Variants in CCDC15 observed in about 807,000 individuals in gnomAD.
CCDC15 encodes coiled-coil domain-containing protein 15.
CCDC15 carries 105 observed loss-of-function variants against 114.5 expected under a neutral mutation model. The observed-to-expected ratio is 0.92, with a 90% CI of 0.78 to 1.08. The LOEUF (loss-of-function observed/expected upper bound fraction) is 1.08. CCDC15 is among the 50% of genes least tolerant of loss of function. The probability of loss-of-function intolerance (pLI) is 0.00; values close to 1 mark genes in which losing one functional copy is unlikely to be tolerated. For missense variants in CCDC15, 1,105 were observed against 1,093.6 expected (o/e 1.01, Z -0.15); for synonymous variants, 334 against 377.8 (o/e 0.88, Z 1.34).
At chr11:124,964,471 T>G (rs138315560) in intron 4 of CCDC15, among the ~76,000 whole-genome samples, 8,073 of 152,274 alleles carry the variant, frequency 0.053, 243 homozygotes, top group Middle Eastern at 0.082. Flanking sequence ...GGAATACTTG[T>G]GATTTTTGCA....
intron 5 of CCDC15, 26 bp downstream of exon 5, chr11:124,975,235 T>A: frequency 7.4e-7 from 1 of 1,356,962 alleles, no homozygotes; most frequent in Non-Finnish European, 1.0e-6. Flanking sequence ...ATACATGATT[T>A]AAAAAAATAC....
intron 4 of CCDC15, among the ~76,000 whole-genome samples, chr11:124,963,474 CT>C (rs1947711102): frequency 6.6e-6 from 1 of 152,186 alleles, no homozygotes; most frequent in African/African-American, 2.4e-5. Context: ...CCTTTGCCCA[CT>C]TTTTGATGGG....
chr11:125,031,190 T>C (rs1948736143), intron 13 of CCDC15, among the ~76,000 whole-genome samples: 1 of 152,238 alleles, frequency 6.6e-6, no homozygotes. Context: ...ATCAGGGATG[T>C]CCTGGAAAGG....
chr11:124,965,427 G>T (rs1169256745), intron 4 of CCDC15, among the ~76,000 whole-genome samples: 1 of 152,134 alleles, frequency 6.6e-6, no homozygotes, highest in Non-Finnish European at 1.5e-5. Context: ...GTTTATTTAC[G>T]TAGAGGTGTT....
intron 13 of CCDC15, among the ~76,000 whole-genome samples, chr11:125,036,503 A>G (rs549959231): frequency 2.6e-5 from 4 of 151,696 alleles, no homozygotes; most frequent in African/African-American, 7.3e-5. Flanking sequence ...GAATATTGAT[A>G]TCTTTCTCTA....
intron 13 of CCDC15, among the ~76,000 whole-genome samples, chr11:125,022,299 T>TC (rs1479415114): frequency 6.6e-6 from 1 of 151,898 alleles, no homozygotes; most frequent in Non-Finnish European, 1.5e-5. Context: ...TAAAAGCATC[T>TC]CCCTCTGCCC....
At chr11:125,034,463 C>G (rs1400293296) in intron 13 of CCDC15, among the ~76,000 whole-genome samples, 1 of 152,218 alleles carries the variant, frequency 6.6e-6, no homozygotes, top group Non-Finnish European at 1.5e-5. Flanking sequence ...AGATAAGACT[C>G]TTACTCAGGG....
chr11:125,021,104 T>C (rs999972215), intron 13 of CCDC15, among the ~76,000 whole-genome samples: 6 of 151,772 alleles, frequency 4.0e-5, no homozygotes, highest in African/African-American at 1.2e-4. Context: ...GGGAAGGTAT[T>C]GAGTAAGAAA....
At chr11:124,981,259 G>A (rs1289368878) in intron 6 of CCDC15, among the ~76,000 whole-genome samples, 1 of 152,168 alleles carries the variant, frequency 6.6e-6, no homozygotes, top group Non-Finnish European at 1.5e-5. Context: ...TAACTTTGGG[G>A]TGGAGAGTTT....
intron 13 of CCDC15, among the ~76,000 whole-genome samples, chr11:125,022,141 A>G (rs1257041569): frequency 1.3e-5 from 2 of 151,866 alleles, no homozygotes; most frequent in African/African-American, 4.8e-5. Context: ...CTTATTTCAC[A>G]CATGATCTTT....
chr11:124,961,937 T>C (rs1323373131), intron 4 of CCDC15, among the ~76,000 whole-genome samples: 1 of 152,102 alleles, frequency 6.6e-6, no homozygotes, highest in Non-Finnish European at 1.5e-5. Flanking sequence ...TAGTTTATAA[T>C]GGAGAATAAC....
At position 124,986,956 on chromosome 11, in the gene CCDC15, T is replaced by C. The variant is rs529056684; in HGVS notation, c.900+68T>C. The C allele has an allele frequency of 1.5e-5, 21 of 1,435,220 alleles. No homozygotes were observed. In the East Asian group the frequency reaches 2.8e-4, roughly 19 times the overall value. The allele number at this position is 1,435,220 out of a possible 1,614,324, so 88.9% of individuals were successfully genotyped here. ...GGTATTGCCAGTAATGTTGTACTGA[T>C]TTAGGATTGTAGATTTAGCTTTTGT... On this transcript the variant is annotated intron_variant, in intron 7 of 15. Transcript: ENST00000344762.
chr11:125,029,817 C>T (rs1405918182), intron 13 of CCDC15, among the ~76,000 whole-genome samples: 2 of 152,160 alleles, frequency 1.3e-5, no homozygotes, highest in Admixed American at 6.5e-5. Context: ...TTCCCATTGA[C>T]CTTAATCACA....
chr11:125,033,146 A>G (rs1407986156), intron 13 of CCDC15, among the ~76,000 whole-genome samples: 1 of 152,210 alleles, frequency 6.6e-6, no homozygotes, highest in Non-Finnish European at 1.5e-5. Flanking sequence ...TTGAGGGGCC[A>G]TGATTCTCTG....
At chr11:125,007,450 A>G (rs192593113) in intron 13 of CCDC15, among the ~76,000 whole-genome samples, 1 of 152,308 alleles carries the variant, frequency 6.6e-6, no homozygotes, top group Admixed American at 6.5e-5. Context: ...CACTGTGTGT[A>G]TATACCACAT....
chr11:124,972,148 A>G (rs994458959), intron 4 of CCDC15, among the ~76,000 whole-genome samples: 5 of 152,094 alleles, frequency 3.3e-5, no homozygotes, highest in Admixed American at 3.3e-4. Flanking sequence ...TATTTATCTA[A>G]TTATTTATCT....
chr11:124,977,952 C>T (rs1455734194), intron 6 of CCDC15, among the ~76,000 whole-genome samples: 2 of 152,040 alleles, frequency 1.3e-5, no homozygotes, highest in East Asian at 3.9e-4. Context: ...GTACAGATTA[C>T]TTCGTCACGT....
intron 11 of CCDC15, among the ~76,000 whole-genome samples, chr11:124,997,068 C>T (rs962974073): frequency 3.3e-5 from 5 of 152,276 alleles, no homozygotes; most frequent in East Asian, 3.9e-4. Context: ...GTATTCTTTG[C>T]GTTGCTGTAT....
In CCDC15 at chr11:124,988,006, C is replaced by T. The variant is rs750453198; in HGVS notation, c.1780C>T (p.Pro594Ser). Reference protein sequence around the residue: ...DFLPRDQGYLPKDQNILPICQ... With the variant: ...DFLPRDQGYLSKDQNILPICQ... ...TCTACCCAGAGACCAAGGTTATCTT[C>T]CTAAAGACCAAAATATTCTACCCAT... Residue 594 changes from proline (P) to serine (S), a missense_variant, in exon 8 of 16, where the codon CCT (proline) becomes TCT (serine). By Grantham distance (74) the Pro-to-Ser change is moderately conservative. Transcript: ENST00000344762. The T allele has an allele frequency of 2.5e-6, 4 of 1,613,572 alleles. No homozygotes were observed. In the East Asian group the frequency reaches 8.9e-5, roughly 36 times the overall value.
Sources: gnomAD v4.1 joint callset for allele counts (sites outside exome capture counted in the v4.1 genomes callset) on GRCh38, gnomAD v4.1.1 for gene constraint, MANE v1.5 for transcripts, NCBI Gene and HGNC (gene_info 2026-07-23, HGNC 2026-07-21) for gene names.